Variants in NKAIN2 observed in about 807,000 individuals in gnomAD.
NKAIN2 encodes sodium/potassium transporting ATPase interacting 2, also known as sodium/potassium-transporting ATPase subunit beta-1-interacting protein 2.
NKAIN2 carries 14 observed loss-of-function variants against 32.6 expected under a neutral mutation model. That is an observed-to-expected ratio of 0.43 (90% CI 0.28 to 0.67). The LOEUF (loss-of-function observed/expected upper bound fraction) is 0.67, where lower values mean the gene tolerates loss of function less well. NKAIN2 is among the 30% of genes least tolerant of loss of function. The probability of loss-of-function intolerance (pLI) is 0.17; values close to 1 mark genes in which losing one functional copy is unlikely to be tolerated. For synonymous variants in NKAIN2, 80 were observed against 87.2 expected, an observed-to-expected ratio of 0.92 and a Z score of 0.46; for missense variants, 198 against 258.3, an observed-to-expected ratio of 0.77 and a Z score of 1.60.
intron 3 of NKAIN2, among the ~76,000 whole-genome samples, chr6:124,419,882 G>A (rs1396972021): frequency 6.6e-6 from 1 of 152,048 alleles, no homozygotes; most frequent in East Asian, 1.9e-4. Flanking sequence ...ACAAGATTCT[G>A]AAGCACTGCT....
chr6:124,093,651 A>C (rs144709171), intron 1 of NKAIN2, among the ~76,000 whole-genome samples: 105 of 152,294 alleles, frequency 6.9e-4, no homozygotes, highest in African/African-American at 2.4e-3. Flanking sequence ...TTAAATAAAC[A>C]AATTTTCATA....
At chr6:124,694,755 C>T (rs1774417223) in intron 4 of NKAIN2, among the ~76,000 whole-genome samples, 1 of 152,140 alleles carries the variant, frequency 6.6e-6, no homozygotes. Flanking sequence ...TTAATCTAGT[C>T]ACTTTCTGAA....
intron 2 of NKAIN2, among the ~76,000 whole-genome samples, chr6:124,336,885 A>T (rs1231607088): frequency 6.6e-6 from 1 of 151,852 alleles, no homozygotes; most frequent in African/African-American, 2.4e-5. Flanking sequence ...GTTGGCCAGG[A>T]TGGTCTCGAT....
intron 4 of NKAIN2, among the ~76,000 whole-genome samples, chr6:124,742,773 G>A (rs943821515): frequency 5.3e-5 from 8 of 151,612 alleles, no homozygotes; most frequent in Non-Finnish European, 1.0e-4. Flanking sequence ...CTGCCATCAC[G>A]CCCTTACCTA....
intron 3 of NKAIN2, among the ~76,000 whole-genome samples, chr6:124,378,959 G>A (rs1452857390): frequency 6.7e-6 from 1 of 149,184 alleles, no homozygotes; most frequent in African/African-American, 2.5e-5. Flanking sequence ...GGGCATGGTG[G>A]TGCAAACCTC....
chr6:124,505,801 A>C (rs892814089), intron 3 of NKAIN2, among the ~76,000 whole-genome samples: 3 of 152,142 alleles, frequency 2.0e-5, no homozygotes, highest in Non-Finnish European at 4.4e-5. Context: ...GCATGTGGGT[A>C]GAGTGTCCTT....
chr6:124,149,578 TCA>T (rs1787592829), intron 1 of NKAIN2, among the ~76,000 whole-genome samples: 1 of 152,190 alleles, frequency 6.6e-6, no homozygotes, highest in African/African-American at 2.4e-5. Flanking sequence ...TTGTTGAAAA[TCA>T]GTTAACCATA....
intron 1 of NKAIN2, among the ~76,000 whole-genome samples, chr6:124,148,762 A>G (rs1787556604): frequency 6.6e-6 from 1 of 152,176 alleles, no homozygotes; most frequent in Non-Finnish European, 1.5e-5. Flanking sequence ...GCCATCATGA[A>G]TAATTTTTCT....
At position 123,910,359 on chromosome 6, in the gene NKAIN2, A is replaced by G. The variant is rs575385839; in HGVS notation, c.54+106105A>G. 2.0e-5 allele frequency among the ~76,000 whole-genome samples: 3 copies of G among 152,174 alleles called. No individual in the cohort carries two copies. In the South Asian group the frequency reaches 6.2e-4, roughly 32 times the overall value. On this transcript the variant is annotated intron_variant, in intron 1 of 6. Coordinates refer to ENST00000368417, the MANE Select transcript of NKAIN2 (RefSeq NM_001040214.3). ...GAAAATAATTTCTGAAATGTCTCTA[A>G]CATGTTCTACATTTTAGATTTTCCA...
intron 3 of NKAIN2, among the ~76,000 whole-genome samples, chr6:124,421,097 T>C (rs866419440): frequency 7.3e-6 from 1 of 137,550 alleles, no homozygotes; most frequent in South Asian, 2.5e-4. Flanking sequence ...AAAAAAAACA[T>C]GTTTTCTCTC....
intron 1 of NKAIN2, among the ~76,000 whole-genome samples, chr6:123,935,542 T>G (rs547173282): frequency 6.7e-6 from 1 of 148,638 alleles, no homozygotes; most frequent in East Asian, 1.9e-4. Flanking sequence ...TGTGTTAAGT[T>G]TAAGAGTGTA....
intron 3 of NKAIN2, among the ~76,000 whole-genome samples, chr6:124,549,299 C>T (rs1028818380): frequency 6.6e-6 from 1 of 152,046 alleles, no homozygotes; most frequent in Non-Finnish European, 1.5e-5. Context: ...ACCCGGGATG[C>T]GGAGGTTGCA....
chr6:124,373,995 A>T (rs1799879171), intron 3 of NKAIN2, among the ~76,000 whole-genome samples: 1 of 152,124 alleles, frequency 6.6e-6, no homozygotes, highest in Non-Finnish European at 1.5e-5. Context: ...TGTTGAATAC[A>T]GTTATTGGAA....
chr6:124,279,438 C>T (rs1034335033), intron 1 of NKAIN2, among the ~76,000 whole-genome samples: 17 of 140,892 alleles, frequency 1.2e-4, no homozygotes, highest in Non-Finnish European at 1.5e-4. Flanking sequence ...ACCTGGGAGG[C>T]AGAGCTTGCA....
At chr6:124,575,015 G>A (rs1208784664) in intron 3 of NKAIN2, among the ~76,000 whole-genome samples, 1 of 152,076 alleles carries the variant, frequency 6.6e-6, no homozygotes, top group Non-Finnish European at 1.5e-5. Flanking sequence ...ATCTACCACA[G>A]GTTTATCTTA....
chr6:124,606,298 C>A (rs1034862933), intron 3 of NKAIN2, among the ~76,000 whole-genome samples: 9 of 150,096 alleles, frequency 6.0e-5, no homozygotes, highest in African/African-American at 2.2e-4. Context: ...TTGCTTTTTT[C>A]AAATTTCATG....
intron 1 of NKAIN2, among the ~76,000 whole-genome samples, chr6:123,897,226 T>C (rs62435577): frequency 0.16 from 23,810 of 152,110 alleles, 1,989 homozygotes; most frequent in Non-Finnish European, 0.18. Flanking sequence ...AAGCAAAGCA[T>C]CCATACTGCT....
chr6:124,526,129 A>G (rs1360986840), intron 3 of NKAIN2, among the ~76,000 whole-genome samples: 1 of 152,130 alleles, frequency 6.6e-6, no homozygotes, highest in Non-Finnish European at 1.5e-5. Flanking sequence ...ATGATCATAT[A>G]TATAAAGGTG....
chr6:124,100,959 T>G (rs887450567), intron 1 of NKAIN2, among the ~76,000 whole-genome samples: 2 of 152,206 alleles, frequency 1.3e-5, no homozygotes, highest in African/African-American at 4.8e-5. Flanking sequence ...TGAATTATCT[T>G]GCCACAGGTG....
Sources: gnomAD v4.1 joint callset for allele counts (sites outside exome capture counted in the v4.1 genomes callset) on GRCh38, gnomAD v4.1.1 for gene constraint, MANE v1.5 for transcripts, NCBI Gene and HGNC (gene_info 2026-07-23, HGNC 2026-07-21) for gene names.